The following PLIN3 variants were observed in gnomAD, a reference collection of about 807,000 sequenced individuals.
PLIN3 encodes perilipin-3.
PLIN3 carries 30 observed loss-of-function variants against 35.9 expected under a neutral mutation model. The observed-to-expected ratio is 0.84, with a 90% CI of 0.62 to 1.13. PLIN3 has a LOEUF of 1.13. Ranked by LOEUF, PLIN3 falls within the 50% of genes most tolerant of loss-of-function variation. The pLI is 0.00. For missense variants in PLIN3, 603 were observed against 596.9 expected, an observed-to-expected ratio of 1.01 and a Z score of -0.11; for synonymous variants, 261 against 262.5, an observed-to-expected ratio of 0.99 and a Z score of 0.06.
intron 4 of PLIN3, among the ~76,000 whole-genome samples, chr19:4,855,330 C>A (rs2030439590): frequency 6.6e-6 from 1 of 151,176 alleles, no homozygotes; most frequent in African/African-American, 2.4e-5. Context: ...GAGCTTATCC[C>A]TTCTATAAAC....
At chr19:4,856,712 T>G (rs905329368) in intron 4 of PLIN3, among the ~76,000 whole-genome samples, 5 of 150,998 alleles carry the variant, frequency 3.3e-5, no homozygotes, top group African/African-American at 9.7e-5. Flanking sequence ...GGTGTTTTTT[T>G]TTTTTTTTTT....
At position 4,838,903 on chromosome 19, in the gene PLIN3, G is replaced by A. The variant is rs1164771391; in HGVS notation, c.*289C>T. 1.1e-5 allele frequency: 3 copies of A among 266,798 alleles called. No homozygotes were observed. Among genetic ancestry groups the A allele is most frequent in the Non-Finnish European group, 2.1e-5 (3 of 142,136 alleles). The allele number at this position is 266,798 out of a possible 1,614,324, so 16.5% of individuals were successfully genotyped here. On this transcript the variant is annotated 3_prime_UTR_variant, in exon 8 of 8. Coordinates refer to ENST00000221957, the MANE Select transcript of PLIN3 (RefSeq NM_005817.5). ...GCCTATATTCCTGATATTTAACAAG[G>A]AAAAAAAATTCTGCAGGGGAGAACT...
At chr19:4,858,951 C>A (rs558902806) in intron 4 of PLIN3, among the ~76,000 whole-genome samples, 3 of 151,968 alleles carry the variant, frequency 2.0e-5, no homozygotes, top group Non-Finnish European at 4.4e-5. Flanking sequence ...ATCCTCCCGC[C>A]TTGGCCTCCC....
At chr19:4,848,191 C>G (rs2030171886) in intron 5 of PLIN3, among the ~76,000 whole-genome samples, 1 of 152,072 alleles carries the variant, frequency 6.6e-6, no homozygotes, top group African/African-American at 2.4e-5. Context: ...ACCATGTTGG[C>G]CAGGCTGGTC....
At chr19:4,842,703 A>G (rs1273986139) in intron 7 of PLIN3, among the ~76,000 whole-genome samples, 2 of 150,106 alleles carry the variant, frequency 1.3e-5, no homozygotes, top group African/African-American at 2.5e-5. Context: ...ATTACGGGAG[A>G]GTGCCCACGT....
At position 4,852,111 on chromosome 19, in the gene PLIN3, C is replaced by T. The variant is rs201516066; in HGVS notation, c.539G>A (p.Arg180His). 7.4e-6 allele frequency: 12 copies of T among 1,614,026 alleles called. No homozygotes were observed. The highest frequency in any genetic ancestry group is 1.6e-4 in the Middle Eastern group (1 of 6,062). Residue 180 changes from arginine (R) to histidine (H), a missense_variant, in exon 5 of 8, where the codon CGC becomes CAC. By Grantham distance (29) the Arg-to-His change is conservative. Transcript: ENST00000221957. ...CCCACTCAACACCATCTGGCCCAAG[C>T]GGGAGCCCATGACCGATTGGACGCC... ...TGGVQSVMGS[R>H]LGQMVLSGVD...
rs561717063 is a variant in PLIN3 at position 4,851,330 on chromosome 19, G to A, written c.634+686C>T. Among the ~76,000 whole-genome samples, 6 of 152,184 alleles carry A rather than the reference G, an allele frequency of 3.9e-5. No individual in the cohort carries two copies. The South Asian group carries it at 8.3e-4, about 21-fold the overall frequency. On this transcript the variant is annotated intron_variant, in intron 5 of 7. Coordinates refer to ENST00000221957, the MANE Select transcript of PLIN3 (RefSeq NM_005817.5). ...AAATACAAAAAATTAGCTGTGTGGT[G>A]GCAGGTGCCTGTAATCCCAGCTACT...
chr19:4,853,416 C>G (rs367941147), intron 4 of PLIN3, among the ~76,000 whole-genome samples: 1 of 152,042 alleles, frequency 6.6e-6, no homozygotes, highest in African/African-American at 2.4e-5. Context: ...ACCTCTGCCA[C>G]GTGGGTTCAG....
intron 7 of PLIN3, among the ~76,000 whole-genome samples, chr19:4,842,486 G>A (rs561527104): frequency 2.6e-5 from 4 of 151,008 alleles, no homozygotes; most frequent in East Asian, 2.0e-4. Flanking sequence ...TGTAGTCTCA[G>A]CTACTCGGGA....
chr19:4,858,956 C>A (rs1270664684), intron 4 of PLIN3, among the ~76,000 whole-genome samples: 2 of 151,820 alleles, frequency 1.3e-5, no homozygotes, highest in African/African-American at 4.8e-5. Context: ...CCCGCCTTGG[C>A]CTCCCAAAGT....
In PLIN3 at chr19:4,847,885, T is replaced by C. The variant is rs779103112; in HGVS notation, c.640A>G (p.Ile214Val). The C allele has an allele frequency of 1.9e-6, 3 of 1,613,006 alleles. No homozygotes were observed. The highest frequency in any genetic ancestry group is 1.7e-5 in the Admixed American group (1 of 59,812). Reference protein sequence around the residue: ...LPLTDAELARIATSLDGFDVA... With the variant: ...LPLTDAELARVATSLDGFDVA... ...TCAAAGCCATCCAGGGATGTGGCGATGCGGGCTGCAAGGAAAAGGAGAAGG... is the reference window on the plus strand; with the variant it reads ...TCAAAGCCATCCAGGGATGTGGCGACGCGGGCTGCAAGGAAAAGGAGAAGG... The change falls in exon 6 of 8, where the codon ATC becomes GTC. Residue 214 changes from isoleucine to valine, a missense_variant. Coordinates refer to ENST00000221957, the MANE Select transcript of PLIN3 (RefSeq NM_005817.5).
intron 4 of PLIN3, among the ~76,000 whole-genome samples, chr19:4,855,340 C>A (rs2030439958): frequency 1.4e-5 from 2 of 145,722 alleles, no homozygotes; most frequent in South Asian, 4.7e-4. Flanking sequence ...CTTCTATAAA[C>A]AGAAAGACTG....
Position 4,859,572 on chromosome 19 carries a change from G to A in PLIN3, c.348+18C>T, listed in dbSNP as rs370173353. 10 of 1,610,584 alleles carry A rather than the reference G, an allele frequency of 6.2e-6. No homozygotes were observed. In the African/African-American group the frequency reaches 1.2e-4, roughly 19 times the overall value. Reference sequence around the variant, plus strand: ...AGGTCCCTGTCTCGACAGAGCCCCTGAGGACGGACATCGTTACCTTCTCCG... The same window carrying A: ...AGGTCCCTGTCTCGACAGAGCCCCTAAGGACGGACATCGTTACCTTCTCCG... On this transcript the variant is annotated intron_variant, in intron 4 of 7. Transcript: ENST00000221957.
At chr19:4,867,433 T>C (rs1021067905) in intron 1 of PLIN3, among the ~76,000 whole-genome samples, 176 bp downstream of exon 1, 3 of 152,064 alleles carry the variant, frequency 2.0e-5, no homozygotes, top group East Asian at 3.9e-4. Flanking sequence ...GTTGCAGAAG[T>C]TGGATTTTTC....
intron 5 of PLIN3, among the ~76,000 whole-genome samples, chr19:4,849,931 A>T (rs984564706): frequency 1.3e-5 from 2 of 151,358 alleles, no homozygotes; most frequent in Non-Finnish European, 2.9e-5. Context: ...GATTACAGGC[A>T]TGAGTCACCA....
chr19:4,847,978 C>T (rs1254525358), intron 5 of PLIN3, 88 bp from the exon 6 acceptor site: 1 of 918,548 alleles, frequency 1.1e-6, no homozygotes. Flanking sequence ...ATCACACTGT[C>T]CAGTTTATTT....
At position 4,855,248 on chromosome 19, in the gene PLIN3, T is replaced by TG. The variant is rs2030433722; in HGVS notation, c.349-2948dup. ...CTGGGCAACAGAACGAGACTCCATC[T>TG]GAAAAAAAAAAAAAAAAAAAAAAAA... On this transcript the variant is annotated intron_variant, in intron 4 of 7. Coordinates refer to ENST00000221957, the MANE Select transcript of PLIN3 (RefSeq NM_005817.5). Among the ~76,000 whole-genome samples the TG allele has an allele frequency of 8.1e-4, 7 of 8,624 alleles. No individual in the cohort carries two copies. The South Asian group carries it at 0.014, about 17-fold the overall frequency. 5.7% of individuals were successfully genotyped at this position (8,624 alleles called of 152,430 possible).
intron 6 of PLIN3, 129 bp from the exon 7 acceptor site, chr19:4,844,922 G>A: frequency 9.2e-7 from 1 of 1,081,700 alleles, no homozygotes; most frequent in Non-Finnish European, 1.3e-6. Flanking sequence ...GGGAGGGAGG[G>A]AGGAAGGGTT....
At chr19:4,850,168 A>T (rs1026416392) in intron 5 of PLIN3, among the ~76,000 whole-genome samples, 24 of 149,762 alleles carry the variant, frequency 1.6e-4, no homozygotes, top group African/African-American at 5.7e-4. Flanking sequence ...CTTGTCTCGA[A>T]CTCCCGACCT....
Sources: gnomAD v4.1 joint callset for allele counts (sites outside exome capture counted in the v4.1 genomes callset) on GRCh38, gnomAD v4.1.1 for gene constraint, MANE v1.5 for transcripts, NCBI Gene and HGNC (gene_info 2026-07-23, HGNC 2026-07-21) for gene names.